The following POU6F2 variants were observed in gnomAD, a reference collection of about 807,000 sequenced individuals.
POU6F2 encodes the protein POU domain, class 6, transcription factor 2.
POU6F2 carries 31 observed loss-of-function variants against 71.3 expected under a neutral mutation model. The ratio of observed to expected loss-of-function variants is 0.43; its 90% CI spans 0.33 to 0.59. The LOEUF (loss-of-function observed/expected upper bound fraction) is 0.59. Among genes scored for constraint, POU6F2 ranks in the 20% least tolerant of loss-of-function variants. The pLI, the probability that POU6F2 is intolerant of heterozygous loss-of-function variation, is 0.04. For missense variants in POU6F2, 783 were observed against 856.8 expected (o/e 0.91, Z 1.07); for synonymous variants, 347 against 355.7 (o/e 0.98, Z 0.27).
chr7:39,047,687 G>A (rs1321549480), intron 1 of POU6F2, among the ~76,000 whole-genome samples: 1 of 151,156 alleles, frequency 6.6e-6, no homozygotes, highest in Admixed American at 6.6e-5. Context: ...CAGTGTAGAT[G>A]CACTTAATAT....
chr7:39,027,533 C>T (rs1789839637), intron 1 of POU6F2, among the ~76,000 whole-genome samples: 1 of 152,164 alleles, frequency 6.6e-6, no homozygotes, highest in South Asian at 2.1e-4. Flanking sequence ...GTCCAAGGTC[C>T]TCCAATTCCA....
intron 7 of POU6F2, among the ~76,000 whole-genome samples, chr7:39,446,101 C>T (rs1788516807): frequency 1.3e-5 from 2 of 152,210 alleles, no homozygotes; most frequent in Non-Finnish European, 2.9e-5. Context: ...TCAAGCTATT[C>T]CAAGGTACAC....
chr7:39,326,383 G>T (rs1048908046), intron 4 of POU6F2, among the ~76,000 whole-genome samples: 1 of 152,214 alleles, frequency 6.6e-6, no homozygotes, highest in Admixed American at 6.5e-5. Context: ...TGTAAGGAAA[G>T]AATACTACTA....
intron 1 of POU6F2, among the ~76,000 whole-genome samples, chr7:38,988,631 T>C (rs1788521082): frequency 6.6e-6 from 1 of 152,146 alleles, no homozygotes; most frequent in Non-Finnish European, 1.5e-5. Flanking sequence ...AAGTGAGCAC[T>C]TACTAGGTGC....
chr7:39,179,713 A>C (rs1027182325), intron 2 of POU6F2, among the ~76,000 whole-genome samples: 3 of 152,218 alleles, frequency 2.0e-5, no homozygotes, highest in Non-Finnish European at 4.4e-5. Flanking sequence ...AGATGTGTTT[A>C]CAGAAAATAT....
chr7:39,139,344 C>T (rs12701695), intron 2 of POU6F2, among the ~76,000 whole-genome samples: 2 of 151,978 alleles, frequency 1.3e-5, no homozygotes, highest in African/African-American at 4.8e-5. Context: ...GATCATTTCA[C>T]TGCTGATGGG....
At chr7:39,127,719 A>G (rs892868946) in intron 2 of POU6F2, among the ~76,000 whole-genome samples, 8 of 152,024 alleles carry the variant, frequency 5.3e-5, no homozygotes, top group African/African-American at 1.9e-4. Flanking sequence ...GATGTGGGGA[A>G]AGTTTGTTTC....
At chr7:39,229,738 G>T (rs1302482221) in intron 4 of POU6F2, among the ~76,000 whole-genome samples, 3 of 152,282 alleles carry the variant, frequency 2.0e-5, no homozygotes, top group South Asian at 4.1e-4. Flanking sequence ...AAACAGGCAG[G>T]TATCTCTTAA....
intron 2 of POU6F2, among the ~76,000 whole-genome samples, chr7:39,161,415 T>G (rs1372570666): frequency 6.6e-6 from 1 of 152,202 alleles, no homozygotes; most frequent in Non-Finnish European, 1.5e-5. Flanking sequence ...TCAGTAGAAT[T>G]GTAGTACTAG....
rs13243912 is a variant in POU6F2, at chr7:39,031,036, G to A, written c.105+52978G>A. Among the ~76,000 whole-genome samples the A allele has an allele frequency of 9.2e-3, 1,399 of 152,038 alleles. 14 individuals are homozygous for A. The highest frequency in any genetic ancestry group is 0.016 in the Non-Finnish European group (1,082 of 67,958). On this transcript the variant is annotated intron_variant, in intron 1 of 9. Transcript: ENST00000518318. ...CTGCCTCAGCCTCATGAGTAGCTGG[G>A]ATTACAGGTGCCCACCACCGCGTCT...
chr7:39,403,700 C>T (rs946394359), intron 5 of POU6F2, among the ~76,000 whole-genome samples: 4 of 152,210 alleles, frequency 2.6e-5, no homozygotes, highest in Non-Finnish European at 4.4e-5. Flanking sequence ...TGACATGACC[C>T]GAGGTGATGA....
intron 1 of POU6F2, among the ~76,000 whole-genome samples, chr7:39,022,876 G>C (rs1220125856): frequency 6.6e-6 from 1 of 152,024 alleles, no homozygotes; most frequent in African/African-American, 2.4e-5. Context: ...GAGCAGAGTT[G>C]CTAAGTGGTA....
intron 2 of POU6F2, among the ~76,000 whole-genome samples, chr7:39,186,679 G>C (rs193046304): frequency 6.6e-6 from 1 of 152,298 alleles, no homozygotes; most frequent in African/African-American, 2.4e-5. Flanking sequence ...ATACAGGACT[G>C]CATGGATTTC....
intron 5 of POU6F2, among the ~76,000 whole-genome samples, chr7:39,378,682 C>G (rs1346288290): frequency 6.6e-6 from 1 of 152,176 alleles, no homozygotes; most frequent in Non-Finnish European, 1.5e-5. Context: ...TAATATTTAT[C>G]CAAGGCTACA....
At chr7:39,110,457 C>T (rs1190260910) in intron 2 of POU6F2, among the ~76,000 whole-genome samples, 1 of 151,968 alleles carries the variant, frequency 6.6e-6, no homozygotes, top group Admixed American at 6.6e-5. Context: ...TAATGATGTG[C>T]TATTATATGT....
chr7:39,218,342 CAG>C (rs1794281549), intron 4 of POU6F2, among the ~76,000 whole-genome samples: 1 of 152,058 alleles, frequency 6.6e-6, no homozygotes, highest in South Asian at 2.1e-4. Context: ...AGTGTGGGGA[CAG>C]AGAGTGGGGG....
At chr7:39,063,487 C>T (rs867019186) in intron 1 of POU6F2, among the ~76,000 whole-genome samples, 2 of 152,078 alleles carry the variant, frequency 1.3e-5, no homozygotes, top group African/African-American at 4.8e-5. Context: ...TAATGAAACA[C>T]GTAAAACTCT....
intron 4 of POU6F2, among the ~76,000 whole-genome samples, chr7:39,303,594 T>C (rs1297075473): frequency 6.6e-6 from 1 of 152,204 alleles, no homozygotes; most frequent in Non-Finnish European, 1.5e-5. Context: ...GAAGTGATCC[T>C]CTGGTTGGAT....
chr7:39,433,537 C>T (rs1236468213), intron 7 of POU6F2, among the ~76,000 whole-genome samples: 1 of 151,966 alleles, frequency 6.6e-6, no homozygotes, highest in African/African-American at 2.4e-5. Context: ...CCCTAAAATT[C>T]AATAGGGATG....
Sources: allele counts gnomAD v4.1 joint callset (sites outside exome capture counted in the v4.1 genomes callset), GRCh38; gene constraint gnomAD v4.1.1; transcripts MANE v1.5; gene names NCBI Gene and HGNC (gene_info 2026-07-23, HGNC 2026-07-21).